The following SAMTOR variants were observed in gnomAD, a reference collection of about 807,000 sequenced individuals.
SAMTOR encodes the protein S-adenosylmethionine sensor upstream of mTORC1, also known as UPF0532 protein C7orf60.
the SAMTOR span, among the ~76,000 whole-genome samples, chr7:112,857,805 G>A: frequency 3.9e-5 from 6 of 152,220 alleles, no homozygotes; most frequent in African/African-American, 1.4e-4. Context: ...GAAGCAACCT[G>A]GCTGTGCAAA....
the SAMTOR span, among the ~76,000 whole-genome samples, chr7:112,924,489 C>T: frequency 6.6e-6 from 1 of 152,118 alleles, no homozygotes; most frequent in South Asian, 2.1e-4. Context: ...AGTAAGGATA[C>T]AAACAAACCC....
chr7:112,836,596 TAG>T, the SAMTOR span, among the ~76,000 whole-genome samples: 14 of 152,194 alleles, frequency 9.2e-5, 1 homozygote, highest in Middle Eastern at 6.8e-3. Flanking sequence ...AAGGTTTTTC[TAG>T]TTTAACATTT....
chr7:112,919,718 GAAA>G, the SAMTOR span, among the ~76,000 whole-genome samples: 2 of 150,936 alleles, frequency 1.3e-5, no homozygotes, highest in Non-Finnish European at 3.0e-5. Context: ...TAATAAAGAA[GAAA>G]AGAGAGAAGA....
chr7:112,923,121 T>C, the SAMTOR span, among the ~76,000 whole-genome samples: 1 of 152,252 alleles, frequency 6.6e-6, no homozygotes, highest in African/African-American at 2.4e-5. Flanking sequence ...CTTTTCATTT[T>C]GTTCTGTACT....
At chr7:112,852,965 C>A in the SAMTOR span, among the ~76,000 whole-genome samples, 11 of 151,814 alleles carry the variant, frequency 7.2e-5, no homozygotes, top group African/African-American at 2.7e-4. Flanking sequence ...TAAAGGACAA[C>A]GAACTAAAAT....
chr7:112,939,445 G>T, the SAMTOR span: 1 of 1,322,426 alleles, frequency 7.6e-7, no homozygotes, highest in Non-Finnish European at 1.0e-6. Context: ...AGGGGGCTCA[G>T]ACCAGGCCCG....
chr7:112,833,743 A>T, the SAMTOR span, among the ~76,000 whole-genome samples: 2 of 152,190 alleles, frequency 1.3e-5, no homozygotes, highest in African/African-American at 4.8e-5. Flanking sequence ...TAACTTAATC[A>T]TATCATGGAT....
the SAMTOR span, among the ~76,000 whole-genome samples, chr7:112,912,670 C>T: frequency 6.6e-6 from 1 of 151,672 alleles, no homozygotes. Flanking sequence ...CTTAGTATTA[C>T]TTCTGATAGT....
the SAMTOR span, among the ~76,000 whole-genome samples, chr7:112,888,918 C>A: frequency 6.6e-6 from 1 of 152,062 alleles, no homozygotes. Flanking sequence ...CTTTGGGAAA[C>A]TGGAGTATTA....
chr7:112,870,543 G>A, the SAMTOR span, among the ~76,000 whole-genome samples: 1 of 152,080 alleles, frequency 6.6e-6, no homozygotes, highest in Admixed American at 6.5e-5. Context: ...ACTTAAGGGA[G>A]TTCTAAACAA....
chr7:112,920,164 C>A, the SAMTOR span, among the ~76,000 whole-genome samples: 2 of 152,164 alleles, frequency 1.3e-5, no homozygotes, highest in Admixed American at 1.3e-4. Flanking sequence ...AATTTTAGAC[C>A]AATATCCTTG....
the SAMTOR span, among the ~76,000 whole-genome samples, chr7:112,837,360 A>T: frequency 5.3e-4 from 81 of 152,168 alleles, 3 homozygotes; most frequent in East Asian, 0.012. Flanking sequence ...TTTTCTAGAT[A>T]TAGAATCATG....
At chr7:112,820,253 T>C in the SAMTOR span, 1 of 152,426 alleles carries the variant, frequency 6.6e-6, no homozygotes, top group Non-Finnish European at 1.5e-5. Context: ...AAATAAAGTT[T>C]GACATTCAAA....
chr7:112,915,276 C>G, the SAMTOR span: 2 of 1,567,698 alleles, frequency 1.3e-6, no homozygotes, highest in Non-Finnish European at 8.6e-7. Context: ...ACATTTGAAA[C>G]CAAAAACGTT....
At chr7:112,904,914 G>A in the SAMTOR span, among the ~76,000 whole-genome samples, 2 of 152,136 alleles carry the variant, frequency 1.3e-5, no homozygotes, top group African/African-American at 4.8e-5. Flanking sequence ...TGGAGGGTGT[G>A]CTTATACATC....
the SAMTOR span, among the ~76,000 whole-genome samples, chr7:112,920,960 T>C: frequency 6.6e-6 from 1 of 152,130 alleles, no homozygotes; most frequent in Non-Finnish European, 1.5e-5. Context: ...TACAAACAAA[T>C]GGAAGAACAT....
At chr7:112,922,569 G>A in the SAMTOR span, among the ~76,000 whole-genome samples, 8 of 151,230 alleles carry the variant, frequency 5.3e-5, no homozygotes, top group East Asian at 7.8e-4. Context: ...CTACCCAGCC[G>A]CCCATCGTCT....
chr7:112,850,911 C>T, the SAMTOR span, among the ~76,000 whole-genome samples: 1 of 152,104 alleles, frequency 6.6e-6, no homozygotes, highest in Non-Finnish European at 1.5e-5. Flanking sequence ...AAGTCAGTAG[C>T]AATTCTATCC....
chr7:112,912,679 G>C, the SAMTOR span, among the ~76,000 whole-genome samples: 5 of 150,434 alleles, frequency 3.3e-5, no homozygotes, highest in African/African-American at 1.2e-4. Context: ...ACTTCTGATA[G>C]TAAAAAAAAA....
Sources: allele counts gnomAD v4.1 joint callset (sites outside exome capture counted in the v4.1 genomes callset), GRCh38; gene constraint gnomAD v4.1.1; transcripts MANE v1.5; gene names NCBI Gene and HGNC (gene_info 2026-07-23, HGNC 2026-07-21).